The following TIMM44 variants were observed in gnomAD, a reference collection of about 807,000 sequenced individuals.
TIMM44 encodes translocase of inner mitochondrial membrane 44, also known as mitochondrial import inner membrane translocase subunit TIM44.
A neutral mutation model predicts 63.8 loss-of-function variants in TIMM44; 37 were observed. That is an observed-to-expected ratio of 0.58 (90% CI 0.45 to 0.76). The LOEUF (loss-of-function observed/expected upper bound fraction) is 0.76. Among genes scored for constraint, TIMM44 ranks in the 30% least tolerant of loss-of-function variants. The probability of loss-of-function intolerance (pLI) is 0.00; values close to 1 mark genes in which losing one functional copy is unlikely to be tolerated. For synonymous variants in TIMM44, 239 were observed against 245.1 expected, an observed-to-expected ratio of 0.98 and a Z score of 0.23; for missense variants, 573 against 603.8, an observed-to-expected ratio of 0.95 and a Z score of 0.54.
rs1204073463 is a variant in TIMM44, at chr19:7,932,755, C to G, written c.863-4G>C. ...TCTGTCTTGGAGAACAGGCCCCCTG[C>G]AGGGAGCAGAGCCGGGAGTTCGGGG... On this transcript the variant is annotated splice_region_variant and splice_polypyrimidine_tract_variant and intron_variant, in intron 8 of 12. Transcript: ENST00000270538. 3.7e-6 allele frequency: 6 copies of G among 1,614,100 alleles called. No individual in the cohort carries two copies. The highest frequency in any genetic ancestry group is 5.1e-6 in the Non-Finnish European group (6 of 1,179,982).
In TIMM44 at chr19:7,933,444, C is replaced by T. The variant is rs113806972; in HGVS notation, c.769+41G>A. 5.1e-6 allele frequency: 8 copies of T among 1,583,852 alleles called. No individual in the cohort carries two copies. In the African/African-American group the frequency reaches 1.1e-4, roughly 21 times the overall value. On this transcript the variant is annotated intron_variant, in intron 7 of 12. Transcript: ENST00000270538. This position sits in a 1 kb window ranked among gnomAD's most constrained non-coding sequence, Gnocchi z 4.3. ...GATCACCTTGCGGTCCACCAACTGC[C>T]CGGGACACAGTCACCTGCCCTCCAA...
In TIMM44 at chr19:7,943,605, AC is replaced by A; in HGVS notation, c.45+1del. 2 of 1,559,984 alleles carry A rather than the reference AC, an allele frequency of 1.3e-6. No homozygotes were observed. On this transcript the variant is annotated splice_donor_variant, in intron 1 of 12. Transcript: ENST00000270538. LOFTEE classifies it high-confidence loss of function. This position sits in a 1 kb window ranked among gnomAD's most constrained non-coding sequence, Gnocchi z 4.3. ...CCCTGCCAGCGCCGCACCGCCGCTC[AC>A]CCGTGGACAGCGGCACCAGCCACTC...
In TIMM44 at chr19:7,932,750, C is replaced by A. The variant is rs1484571331; in HGVS notation, c.864G>T (p.Gly288=). 1 of 1,614,002 alleles carries A rather than the reference C, an allele frequency of 6.2e-7. No homozygotes were observed. Among genetic ancestry groups the A allele is most frequent in the African/African-American group, 1.3e-5 (1 of 74,938 alleles). ...ALTDKVTDLL[G]GLFSKTEMSE... is the part of the protein sequence containing the mutation. ...ACATCTCTGTCTTGGAGAACAGGCC[C>A]CCTGCAGGGAGCAGAGCCGGGAGTT... Residue 288 remains glycine (G), a splice_region_variant and synonymous_variant, in exon 9 of 13, where the codon GGG becomes GGT. Coordinates refer to ENST00000270538, the MANE Select transcript of TIMM44 (RefSeq NM_006351.4).
At position 7,934,012 on chromosome 19, in the gene TIMM44, G is replaced by C. The variant is rs185667226; in HGVS notation, c.544-9C>G. ...TTCACGGACTCCACCCCCTGCGAGG[G>C]AGGCACAGCGGGGCTGGGGTGGGTG... is the stretch of plus-strand genomic sequence containing the variant. On this transcript the variant is annotated splice_polypyrimidine_tract_variant and intron_variant, in intron 5 of 12. Transcript: ENST00000270538. The surrounding 1 kb of genome is among the most constrained non-coding windows in gnomAD (Gnocchi z 5.3). 6.2e-6 allele frequency: 10 copies of C among 1,613,782 alleles called. No homozygotes were observed. The African/African-American group carries it at 1.2e-4, about 19-fold the overall frequency.
Position 7,933,452 on chromosome 19 carries a change from C to G in TIMM44, c.769+33G>C. The G allele has an allele frequency of 6.3e-7, 1 of 1,597,974 alleles. No individual in the cohort carries two copies. The highest frequency in any genetic ancestry group is 8.6e-7 in the Non-Finnish European group (1 of 1,165,142). On this transcript the variant is annotated intron_variant, in intron 7 of 12. Transcript: ENST00000270538. This position sits in a 1 kb window ranked among gnomAD's most constrained non-coding sequence, Gnocchi z 4.3. ...TGCGGTCCACCAACTGCCCGGGACA[C>G]AGTCACCTGCCCTCCAAGACACCTT...
At position 7,934,121 on chromosome 19, in the gene TIMM44, C is replaced by A. The variant is rs1230300247; in HGVS notation, c.511G>T (p.Gly171Cys). 6.2e-7 allele frequency: 1 copy of A among 1,613,342 alleles called. No individual in the cohort carries two copies. Among genetic ancestry groups the A allele is most frequent in the Non-Finnish European group, 8.5e-7 (1 of 1,179,988 alleles). Residue 171 changes from glycine (G) to cysteine (C), a missense_variant, in exon 5 of 13, where the codon GGC becomes TGC. Coordinates refer to ENST00000270538, the MANE Select transcript of TIMM44 (RefSeq NM_006351.4). This position sits in a 1 kb window ranked among gnomAD's most constrained non-coding sequence, Gnocchi z 5.3. ...AGGGCTCTGAAGGCCGCTGTCCTGC[C>A]CAGCTTCTCCCCGCCTTTGGATACC... ...ESVSKGGEKL[G>C]RTAAFRALSQ...
chr19:7,930,859 GAGA>G (rs1983959491), intron 10 of TIMM44, among the ~76,000 whole-genome samples: 1 of 152,248 alleles, frequency 6.6e-6, no homozygotes, highest in Non-Finnish European at 1.5e-5. Context: ...CACCAGCCCA[GAGA>G]AGGATTCTCC....
chr19:7,941,010 C>A lies in TIMM44; in HGVS notation c.141+92G>T, dbSNP rs963703921. 4 of 1,029,396 alleles carry A rather than the reference C, an allele frequency of 3.9e-6. No individual in the cohort carries two copies. In the African/African-American group the frequency reaches 6.3e-5, roughly 16 times the overall value. The allele number at this position is 1,029,396 out of a possible 1,614,324, so 63.8% of individuals were successfully genotyped here. On this transcript the variant is annotated intron_variant, in intron 2 of 12. Transcript: ENST00000270538. ...CCCACCACCGAGATGGTACGAGCCA[C>A]CTCTACAGCCCCACCCCTCCCTCCT... is the stretch of plus-strand genomic sequence containing the variant.
chr19:7,931,513 G>C (rs893868322), intron 9 of TIMM44: 6 of 396,682 alleles, frequency 1.5e-5, no homozygotes, highest in Non-Finnish European at 2.4e-5. Flanking sequence ...GCCTGGTCAG[G>C]AATCCAAGCC....
At chr19:7,941,448 C>T (rs886694465) in intron 1 of TIMM44, among the ~76,000 whole-genome samples, 7 of 151,870 alleles carry the variant, frequency 4.6e-5, no homozygotes, top group African/African-American at 1.5e-4. Context: ...CCATCACATC[C>T]GGCTAATATT....
rs754608940 is a variant in TIMM44, at chr19:7,934,024, G to C, written c.544-21C>G. On this transcript the variant is annotated intron_variant, in intron 5 of 12. Coordinates refer to ENST00000270538, the MANE Select transcript of TIMM44 (RefSeq NM_006351.4). This position sits in a 1 kb window ranked among gnomAD's most constrained non-coding sequence, Gnocchi z 5.3. The stretch of plus-strand genomic sequence containing the variant: ...ACCCCCTGCGAGGGAGGCACAGCGG[G>C]GCTGGGGTGGGTGTCTGGGTTCGGC... 1 of 1,613,658 alleles carries C rather than the reference G, an allele frequency of 6.2e-7. No homozygotes were observed. Among genetic ancestry groups the C allele is most frequent in the African/African-American group, 1.3e-5 (1 of 74,936 alleles).
rs553325261 is a variant in TIMM44, at chr19:7,933,119, G to C, written c.770-187C>G. Among the ~76,000 whole-genome samples, 1 of 152,264 alleles carries C rather than the reference G, an allele frequency of 6.6e-6. No homozygotes were observed. The highest frequency in any genetic ancestry group is 1.9e-4 in the East Asian group (1 of 5,170). On this transcript the variant is annotated intron_variant, in intron 7 of 12. Coordinates refer to ENST00000270538, the MANE Select transcript of TIMM44 (RefSeq NM_006351.4). The surrounding 1 kb of genome is among the most constrained non-coding windows in gnomAD (Gnocchi z 4.3). Reference sequence around the variant, plus strand: ...GGACCGCTGCCTGCCCACCTACCTGGCCAGGCGCAGAGGCCCCTCAGCTGC... The same window carrying C: ...GGACCGCTGCCTGCCCACCTACCTGCCCAGGCGCAGAGGCCCCTCAGCTGC...
chr19:7,927,770 G>A lies in TIMM44; in HGVS notation c.1129-3C>T, dbSNP rs1983855391. The A allele has an allele frequency of 1.9e-6, 3 of 1,610,010 alleles. No individual in the cohort carries two copies. Among genetic ancestry groups the A allele is most frequent in the African/African-American group, 1.3e-5 (1 of 75,064 alleles). On this transcript the variant is annotated splice_region_variant and splice_polypyrimidine_tract_variant and intron_variant, in intron 11 of 12. Transcript: ENST00000270538. ...TCCATCATCTTGCCCATGGCCAGCT[G>A]CAGAGGGGCCGAGAGGGGGGATGTG...
chr19:7,939,777 G>A (rs1449563473), intron 2 of TIMM44, among the ~76,000 whole-genome samples: 1 of 152,092 alleles, frequency 6.6e-6, no homozygotes, highest in Non-Finnish European at 1.5e-5. Flanking sequence ...TTAGCCAGGT[G>A]TGGCGGCGCC....
intron 9 of TIMM44, chr19:7,932,421 G>T: frequency 1.6e-6 from 1 of 638,048 alleles, no homozygotes; most frequent in South Asian, 1.9e-5. Flanking sequence ...GGAGGTACCG[G>T]AGGTGCCGGT....
In TIMM44 at chr19:7,939,771, CCA is replaced by C. The variant is rs1233018136; in HGVS notation, c.141+1329_141+1330del. Among the ~76,000 whole-genome samples the C allele has an allele frequency of 2.0e-5, 3 of 152,106 alleles. No individual in the cohort carries two copies. In the South Asian group the frequency reaches 6.2e-4, roughly 32 times the overall value. The stretch of plus-strand genomic sequence containing the variant: ...TCTCTACTAAAAATACAAAAATTAG[CCA>C]GGTGTGGCGGCGCCTGCCTGTAGTC... On this transcript the variant is annotated intron_variant, in intron 2 of 12. Coordinates refer to ENST00000270538, the MANE Select transcript of TIMM44 (RefSeq NM_006351.4).
chr19:7,939,026 G>A (rs1167804573), intron 2 of TIMM44, among the ~76,000 whole-genome samples: 3 of 47,166 alleles, frequency 6.4e-5, no homozygotes, highest in South Asian at 1.2e-3. Flanking sequence ...TAGGAAGAGG[G>A]TGAGATGAGT....
In TIMM44 at chr19:7,930,437, T is replaced by C. The variant is rs563914909; in HGVS notation, c.1038+701A>G. On this transcript the variant is annotated intron_variant, in intron 10 of 12. Transcript: ENST00000270538. ...AATTCTACTGCCTCAGCCTCCCCAG[T>C]AGCTGGGATTACAGACATGCACCAG... Among the ~76,000 whole-genome samples, 4 of 151,770 alleles carry C rather than the reference T, an allele frequency of 2.6e-5. No homozygotes were observed. In the East Asian group the frequency reaches 7.8e-4, roughly 30 times the overall value.
chr19:7,942,065 CT>C (rs1984325754), intron 1 of TIMM44, among the ~76,000 whole-genome samples: 2 of 152,296 alleles, frequency 1.3e-5, no homozygotes, highest in South Asian at 4.1e-4. Flanking sequence ...AAGGCACTTG[CT>C]GGCTGGGCGC....
Sources: gnomAD v4.1 joint callset for allele counts (sites outside exome capture counted in the v4.1 genomes callset) on GRCh38, gnomAD v4.1.1 for gene constraint, Gnocchi (gnomAD v3.1) non-coding constraint, MANE v1.5 for transcripts, NCBI Gene and HGNC (gene_info 2026-07-23, HGNC 2026-07-21) for gene names.